Variants in ANK2 observed in about 807,000 individuals in gnomAD.
The protein encoded by ANK2 is ankyrin-2.
Under a neutral mutation model 360.5 loss-of-function variants are expected in ANK2, and 83 were observed. The observed-to-expected ratio is 0.23, with a 90% confidence interval of 0.19 to 0.28. ANK2 has a LOEUF of 0.28. ANK2 is among the 10% of genes least tolerant of loss of function. The probability of loss-of-function intolerance (pLI) is 1.00; values close to 1 mark genes in which losing one functional copy is unlikely to be tolerated. For synonymous variants in ANK2, 1,740 were observed against 1,759.5 expected, an observed-to-expected ratio of 0.99 and a Z score of 0.28; for missense variants, 4,201 against 4,795.7, an observed-to-expected ratio of 0.88 and a Z score of 3.66.
chr4:112,988,684 A>G (rs2045750942), intron 2 of ANK2, among the ~76,000 whole-genome samples: 1 of 152,238 alleles, frequency 6.6e-6, no homozygotes, highest in Non-Finnish European at 1.5e-5. Context: ...TGAAATATGT[A>G]CAATGCCTCA....
At chr4:112,731,458 T>C in the ANK2 span, among the ~76,000 whole-genome samples, 1 of 151,734 alleles carries the variant, frequency 6.6e-6, no homozygotes, top group Non-Finnish European at 1.5e-5. Context: ...GCGCAGTGGC[T>C]CATGCCTGTA....
At chr4:112,935,828 CTG>C (rs1342910665) in intron 2 of ANK2, among the ~76,000 whole-genome samples, 1 of 149,562 alleles carries the variant, frequency 6.7e-6, no homozygotes, top group African/African-American at 2.5e-5. Context: ...GGGCAAAAGA[CTG>C]AGACCTTGTC....
chr4:112,853,395 T>C (rs2065531084), intron 1 of ANK2, among the ~76,000 whole-genome samples: 1 of 151,424 alleles, frequency 6.6e-6, no homozygotes. Context: ...AGAGATGAGG[T>C]CCTGCTATGA....
At chr4:112,785,505 C>G in the ANK2 span, among the ~76,000 whole-genome samples, 1 of 151,546 alleles carries the variant, frequency 6.6e-6, no homozygotes, top group East Asian at 1.9e-4. Context: ...TCTCGAGTAG[C>G]TGGGTGACAG....
rs570220106 is a variant in ANK2, at chr4:113,073,067, T to C, written c.84+23255T>C. On this transcript the variant is annotated intron_variant, in intron 1 of 45. Coordinates refer to ENST00000357077, the MANE Select transcript of ANK2 (RefSeq NM_001148.6). ...ACCTCCGCCTCCCACGTTCAAGTGA[T>C]TCTCCTGCCTCAGCTTCCCAAGTAG... Among the ~76,000 whole-genome samples the C allele has an allele frequency of 2.0e-4, 29 of 148,170 alleles. 1 individual carries two copies. In the South Asian group the frequency reaches 4.5e-3, roughly 23 times the overall value.
the ANK2 span, chr4:112,788,706 G>T: frequency 1.0e-5 from 16 of 1,596,612 alleles, no homozygotes; most frequent in Non-Finnish European, 1.4e-5. Flanking sequence ...GATATAGCGG[G>T]GCCATTTCAC....
At chr4:113,100,032 A>G (rs2092551186) in intron 1 of ANK2, among the ~76,000 whole-genome samples, 2 of 152,216 alleles carry the variant, frequency 1.3e-5, no homozygotes, top group South Asian at 2.1e-4. Context: ...AGAAGATAAC[A>G]TAGCAGAAAA....
chr4:112,840,601 C>T (rs922550182), intron 1 of ANK2, among the ~76,000 whole-genome samples: 1 of 152,128 alleles, frequency 6.6e-6, no homozygotes, highest in African/African-American at 2.4e-5. Flanking sequence ...ATATAGCTGA[C>T]AGCTAATACA....
At chr4:112,849,018 C>T (rs1396135276) in intron 1 of ANK2, among the ~76,000 whole-genome samples, 1 of 152,154 alleles carries the variant, frequency 6.6e-6, no homozygotes, top group Non-Finnish European at 1.5e-5. Flanking sequence ...TTTGTTTTGG[C>T]ATCAGTGGGA....
chr4:112,738,927 G>GC, the ANK2 span: 7 of 705,756 alleles, frequency 9.9e-6, no homozygotes, highest in South Asian at 9.4e-5. Flanking sequence ...AGTGGCTTCC[G>GC]CAAGTTCCTG....
At chr4:112,872,026 A>AT (rs752922331) in intron 1 of ANK2, among the ~76,000 whole-genome samples, 2,525 of 121,588 alleles carry the variant, frequency 0.021, 34 homozygotes, top group Middle Eastern at 0.041. Context: ...TTGCATCTGT[A>AT]TTTTTTTTTT....
chr4:112,784,224 G>T, the ANK2 span, among the ~76,000 whole-genome samples: 1 of 151,440 alleles, frequency 6.6e-6, no homozygotes, highest in Middle Eastern at 3.4e-3. Context: ...TTGAGACCAG[G>T]TCTCGCTTGC....
chr4:113,228,364 A>C (rs2099250466), intron 4 of ANK2, among the ~76,000 whole-genome samples: 1 of 152,108 alleles, frequency 6.6e-6, no homozygotes, highest in Non-Finnish European at 1.5e-5. Flanking sequence ...AAGTCCCCAA[A>C]GTCCATTGTA....
chr4:113,334,572 C>A (rs1307731079), intron 29 of ANK2, among the ~76,000 whole-genome samples: 4 of 144,814 alleles, frequency 2.8e-5, no homozygotes, highest in Non-Finnish European at 6.0e-5. Context: ...ATTAATTAAT[C>A]TATTACTAGA....
intron 2 of ANK2, among the ~76,000 whole-genome samples, chr4:113,015,598 T>G (rs559084012): frequency 6.6e-6 from 1 of 152,158 alleles, no homozygotes; most frequent in African/African-American, 2.4e-5. Context: ...TAACGAAAAA[T>G]ATATGGGTTG....
At chr4:113,109,776 T>C (rs2094087280) in intron 1 of ANK2, among the ~76,000 whole-genome samples, 2 of 152,202 alleles carry the variant, frequency 1.3e-5, no homozygotes, top group African/African-American at 4.8e-5. Flanking sequence ...ATTTCTAGTT[T>C]GTTTCAGCAG....
intron 29 of ANK2, among the ~76,000 whole-genome samples, chr4:113,335,103 C>T (rs1282129469): frequency 2.0e-5 from 3 of 152,228 alleles, no homozygotes; most frequent in South Asian, 4.1e-4. Flanking sequence ...ATATAGTGCA[C>T]ATTTTCTAAA....
chr4:112,912,163 C>T (rs951659071), intron 2 of ANK2, among the ~76,000 whole-genome samples: 5 of 145,952 alleles, frequency 3.4e-5, no homozygotes, highest in Non-Finnish European at 7.5e-5. Flanking sequence ...GGTGACAGAG[C>T]GAGACTCCGT....
chr4:113,227,723 A>T lies in ANK2; in HGVS notation c.385-4438A>T, dbSNP rs1294737379. Among the ~76,000 whole-genome samples, 3 of 152,194 alleles carry T rather than the reference A, an allele frequency of 2.0e-5. No homozygotes were observed. The East Asian group carries it at 5.8e-4, about 29-fold the overall frequency. On this transcript the variant is annotated intron_variant, in intron 4 of 45. Coordinates refer to ENST00000357077, the MANE Select transcript of ANK2 (RefSeq NM_001148.6). ...ACTGCCACCTGCCTGTCACTCCCAG[A>T]TCACTTATTAGCTCAAGACTTTGGC...
Sources: gnomAD v4.1 joint callset for allele counts (sites outside exome capture counted in the v4.1 genomes callset) on GRCh38, gnomAD v4.1.1 for gene constraint, MANE v1.5 for transcripts, NCBI Gene and HGNC (gene_info 2026-07-23, HGNC 2026-07-21) for gene names.